Variants in ADCY9 observed in about 807,000 individuals in gnomAD.
ADCY9 encodes the protein adenylate cyclase type 9.
A neutral mutation model predicts 101.5 loss-of-function variants in ADCY9; 50 were observed. The ratio of observed to expected loss-of-function variants is 0.49; its 90% CI spans 0.39 to 0.62. The LOEUF is 0.62. Ranked by LOEUF, ADCY9 falls within the 20% of genes least tolerant of loss-of-function variation. The pLI is 0.00. For synonymous variants in ADCY9, 905 were observed against 769.3 expected (o/e 1.18, Z -2.92); for missense variants, 1,662 against 1,800.4 (o/e 0.92, Z 1.39).
intron 2 of ADCY9, among the ~76,000 whole-genome samples, chr16:4,110,810 CG>C (rs1179609003): frequency 6.6e-6 from 1 of 152,172 alleles, no homozygotes; most frequent in Non-Finnish European, 1.5e-5. Flanking sequence ...GCAGTAACTC[CG>C]GGTGTGGCCA....
In ADCY9 at chr16:3,980,959, C is replaced by A. The variant is rs191029814; in HGVS notation, c.2520-1684G>T. On this transcript the variant is annotated intron_variant, in intron 7 of 10. Coordinates refer to ENST00000294016, the MANE Select transcript of ADCY9 (RefSeq NM_001116.4). ...AGCCTCCTGGAGGCAACGGGCGGGG[C>A]CTGGGCCAGTCACTGAGGAGGCGCC... 2.0e-5 allele frequency among the ~76,000 whole-genome samples: 3 copies of A among 152,312 alleles called. No individual in the cohort carries two copies. The East Asian group carries it at 5.8e-4, about 29-fold the overall frequency.
chr16:4,103,930 G>C (rs532701771), intron 2 of ADCY9, among the ~76,000 whole-genome samples: 44 of 152,310 alleles, frequency 2.9e-4, no homozygotes, highest in Admixed American at 9.1e-4. Flanking sequence ...TGAATAGTCT[G>C]AGTGATGAAA....
At chr16:3,971,806 C>G (rs1185407188) in intron 10 of ADCY9, among the ~76,000 whole-genome samples, 1 of 152,100 alleles carries the variant, frequency 6.6e-6, no homozygotes, top group Non-Finnish European at 1.5e-5. Context: ...TGTTTCCAGT[C>G]TCTGTGGTGG....
At chr16:4,015,211 G>A (rs2056430499) in intron 2 of ADCY9, among the ~76,000 whole-genome samples, 1 of 152,012 alleles carries the variant, frequency 6.6e-6, no homozygotes, top group Admixed American at 6.6e-5. Flanking sequence ...AAAGTGCTGG[G>A]ATTACAGGCG....
chr16:4,036,027 A>G (rs1480748731), intron 2 of ADCY9, among the ~76,000 whole-genome samples: 2 of 139,278 alleles, frequency 1.4e-5, no homozygotes, highest in Non-Finnish European at 3.1e-5. Context: ...AAAAAAAAAG[A>G]TTCCAAGGGG....
At chr16:4,043,342 C>A (rs1256667563) in intron 2 of ADCY9, among the ~76,000 whole-genome samples, 1 of 152,110 alleles carries the variant, frequency 6.6e-6, no homozygotes, top group Non-Finnish European at 1.5e-5. Flanking sequence ...GAATACACCA[C>A]TGGAGCAAAA....
Position 4,050,275 on chromosome 16 carries a change from G to C in ADCY9, c.1694-42717C>G, listed in dbSNP as rs114599770. On this transcript the variant is annotated intron_variant, in intron 2 of 10. Transcript: ENST00000294016. ...AAGCTGAAACAAACCATTTGACTTGGATGGTATCATGATTTTTATATGAGA... is the reference window on the plus strand; with the variant it reads ...AAGCTGAAACAAACCATTTGACTTGCATGGTATCATGATTTTTATATGAGA... Among the ~76,000 whole-genome samples, 1,281 of 152,292 alleles carry C rather than the reference G, an allele frequency of 8.4e-3. 21 individuals carry two copies. The highest frequency in any genetic ancestry group is 0.029 in the African/African-American group (1,206 of 41,564).
At chr16:4,031,070 T>C (rs2056552051) in intron 2 of ADCY9, among the ~76,000 whole-genome samples, 1 of 152,228 alleles carries the variant, frequency 6.6e-6, no homozygotes, top group Non-Finnish European at 1.5e-5. Flanking sequence ...TGTCCTCTTT[T>C]AGGAAAAGAT....
chr16:3,972,499 T>C (rs2056061392), intron 10 of ADCY9, among the ~76,000 whole-genome samples: 3 of 152,108 alleles, frequency 2.0e-5, no homozygotes, highest in South Asian at 4.1e-4. Flanking sequence ...TCCCAAAGTG[T>C]TGGGATTACA....
At chr16:4,089,292 C>T (rs910174860) in intron 2 of ADCY9, among the ~76,000 whole-genome samples, 4 of 152,020 alleles carry the variant, frequency 2.6e-5, no homozygotes, top group African/African-American at 9.7e-5. Flanking sequence ...TCTCGAACTC[C>T]TGGGCTCAAG....
chr16:4,074,249 A>C (rs2056852519), intron 2 of ADCY9, among the ~76,000 whole-genome samples: 1 of 152,084 alleles, frequency 6.6e-6, no homozygotes. Flanking sequence ...ACAGTTATGA[A>C]GAATTCTTAC....
At chr16:4,049,046 G>T (rs1365730139) in intron 2 of ADCY9, among the ~76,000 whole-genome samples, 1 of 151,932 alleles carries the variant, frequency 6.6e-6, no homozygotes, top group Non-Finnish European at 1.5e-5. Flanking sequence ...TTTAAATACA[G>T]GGAAGCAGAA....
At chr16:4,030,995 T>C (rs1274329991) in intron 2 of ADCY9, among the ~76,000 whole-genome samples, 1 of 152,030 alleles carries the variant, frequency 6.6e-6, no homozygotes, top group Non-Finnish European at 1.5e-5. Flanking sequence ...ACCAAACTCT[T>C]CAAAAATGCC....
At chr16:4,071,818 T>TC (rs2056836594) in intron 2 of ADCY9, among the ~76,000 whole-genome samples, 1 of 152,032 alleles carries the variant, frequency 6.6e-6, no homozygotes, top group African/African-American at 2.4e-5. Flanking sequence ...CTGGGTTTTT[T>TC]TGTTTGGTTT....
intron 2 of ADCY9, among the ~76,000 whole-genome samples, chr16:4,050,900 G>C (rs1392659895): frequency 6.6e-6 from 1 of 151,980 alleles, no homozygotes; most frequent in Non-Finnish European, 1.5e-5. Context: ...GGAAAGTTCC[G>C]GGTGAGCCTA....
intron 2 of ADCY9, among the ~76,000 whole-genome samples, chr16:4,080,469 C>G (rs1002503094): frequency 2.0e-5 from 3 of 152,080 alleles, no homozygotes; most frequent in African/African-American, 4.8e-5. Flanking sequence ...GTTGGCCAGG[C>G]TAGTCTCAAA....
At position 4,114,381 on chromosome 16, in the gene ADCY9, ACT is replaced by A; in HGVS notation, c.1060_1061del (p.Ser354Ter). 1 of 1,613,452 alleles carries A rather than the reference ACT, an allele frequency of 6.2e-7. No homozygotes were observed. The highest frequency in any genetic ancestry group is 8.5e-7 in the Non-Finnish European group (1 of 1,179,900). On this transcript the variant is annotated frameshift_variant, in exon 2 of 11. Coordinates refer to ENST00000294016, the MANE Select transcript of ADCY9 (RefSeq NM_001116.4). LOFTEE classifies it high-confidence loss of function. The surrounding 1 kb of genome is among the most constrained non-coding windows in gnomAD (Gnocchi z 4.3). Reference sequence around the variant, plus strand: ...TGGCATGCCTCTTGACAGAATTCTCACTCTCCTCATCTCCCTGCTTCATTAAG... The same window carrying A: ...TGGCATGCCTCTTGACAGAATTCTCACTCCTCATCTCCCTGCTTCATTAAG... ...DDLMKQGDEE[S>X]ENSVKRHATS...
rs199644950 is a variant in ADCY9, at chr16:3,965,833, T to C, written c.4004A>G (p.Glu1335Gly). Residue 1335 changes from glutamate (E) to glycine (G), a missense_variant, in exon 11 of 11, where the codon GAA becomes GGA. Glu to Gly is a moderately conservative substitution (Grantham distance 98, BLOSUM62 -2). Around this residue, in one of 5 missense-constraint regions of ADCY9, gnomAD observed 168 missense variants for 155.3 expected, o/e 1.08. Transcript: ENST00000294016. ...GKAIEKDDCD[E>G]TGIEEANELT... ...TTCGTTGGCTTCTTCTATTCCTGTTTCGTCACAGTCGTCTTTCTCTATGGC... is the reference window on the plus strand; with the variant it reads ...TTCGTTGGCTTCTTCTATTCCTGTTCCGTCACAGTCGTCTTTCTCTATGGC... The C allele has an allele frequency of 2.4e-5, 38 of 1,614,034 alleles. No individual in the cohort carries two copies. Among genetic ancestry groups the C allele is most frequent in the Non-Finnish European group, 1.5e-5 (18 of 1,180,038 alleles).
At chr16:4,073,952 T>G (rs1278108056) in intron 2 of ADCY9, among the ~76,000 whole-genome samples, 1 of 152,198 alleles carries the variant, frequency 6.6e-6, no homozygotes, top group African/African-American at 2.4e-5. Context: ...ACTGTCTATA[T>G]GGCAGCCGCT....
Sources: allele counts gnomAD v4.1 joint callset (sites outside exome capture counted in the v4.1 genomes callset), GRCh38; gene constraint gnomAD v4.1.1; regional missense constraint gnomAD v4.1.1; non-coding constraint Gnocchi (gnomAD v3.1); transcripts MANE v1.5; gene names NCBI Gene and HGNC (gene_info 2026-07-23, HGNC 2026-07-21).